Variants in ITFG1 observed in about 807,000 individuals in gnomAD.
ITFG1 encodes the protein T-cell immunomodulatory protein.
ITFG1 carries 34 observed loss-of-function variants against 81.8 expected under a neutral mutation model. The ratio of observed to expected loss-of-function variants is 0.42; its 90% CI spans 0.32 to 0.55. The LOEUF (loss-of-function observed/expected upper bound fraction) is 0.55, where lower values mean the gene tolerates loss of function less well. Among genes scored for constraint, ITFG1 ranks in the 20% least tolerant of loss-of-function variants. The pLI, the probability that ITFG1 is intolerant of heterozygous loss-of-function variation, is 0.17. For missense variants in ITFG1, 672 were observed against 755.4 expected (o/e 0.89, Z 1.29); for synonymous variants, 285 against 270.6 (o/e 1.05, Z -0.52).
At chr16:47,155,995 C>T (rs183496423) in intron 17 of ITFG1, among the ~76,000 whole-genome samples, 2 of 152,246 alleles carry the variant, frequency 1.3e-5, no homozygotes, top group Non-Finnish European at 2.9e-5. Flanking sequence ...TACTTGAATA[C>T]TTAAGGCACA....
chr16:47,160,808 T>A (rs975173640), intron 16 of ITFG1, among the ~76,000 whole-genome samples: 2 of 152,182 alleles, frequency 1.3e-5, no homozygotes, highest in African/African-American at 4.8e-5. Context: ...TAGATTCTCC[T>A]ACCATAACTG....
chr16:47,278,758 G>A (rs896591879), intron 10 of ITFG1, among the ~76,000 whole-genome samples: 1 of 152,144 alleles, frequency 6.6e-6, no homozygotes, highest in Non-Finnish European at 1.5e-5. Flanking sequence ...CATATGTGAA[G>A]GGAAAATAAC....
At chr16:47,416,563 A>T (rs1167328593) in intron 6 of ITFG1, among the ~76,000 whole-genome samples, 1 of 152,180 alleles carries the variant, frequency 6.6e-6, no homozygotes, top group Non-Finnish European at 1.5e-5. Flanking sequence ...GGAAGTATCT[A>T]TCTGGGTAAT....
At chr16:47,345,246 A>T (rs1967835819) in intron 8 of ITFG1, among the ~76,000 whole-genome samples, 2 of 151,946 alleles carry the variant, frequency 1.3e-5, no homozygotes, top group Admixed American at 1.3e-4. Flanking sequence ...ACTAACACTA[A>T]TGATAGCTGA....
At chr16:47,348,320 T>C (rs1333603472) in intron 8 of ITFG1, among the ~76,000 whole-genome samples, 1 of 152,158 alleles carries the variant, frequency 6.6e-6, no homozygotes, top group Non-Finnish European at 1.5e-5. Context: ...TGAAAAAAGA[T>C]TAGACAAATG....
intron 8 of ITFG1, among the ~76,000 whole-genome samples, chr16:47,355,002 G>A (rs1472986199): frequency 6.6e-6 from 1 of 151,946 alleles, no homozygotes; most frequent in Non-Finnish European, 1.5e-5. Context: ...AAAATATTAC[G>A]AATAGAACTA....
At chr16:47,393,361 C>T (rs1374822733) in intron 6 of ITFG1, among the ~76,000 whole-genome samples, 1 of 152,100 alleles carries the variant, frequency 6.6e-6, no homozygotes, top group African/African-American at 2.4e-5. Flanking sequence ...CATACACTAT[C>T]CAAGGGGCTA....
chr16:47,241,651 G>A (rs1002958389), intron 12 of ITFG1, among the ~76,000 whole-genome samples: 1 of 152,116 alleles, frequency 6.6e-6, no homozygotes, highest in African/African-American at 2.4e-5. Flanking sequence ...GGGGGATGAT[G>A]GGGGACTAAG....
At position 47,167,932 on chromosome 16, in the gene ITFG1, C is replaced by T. The variant is rs531583622; in HGVS notation, c.1454-5268G>A. Reference sequence around the variant, plus strand: ...AATACCTCTTTGAGACCCTGCTTTCCGTTCTTTTGAGTATATATTAGAAAT... The same window carrying T: ...AATACCTCTTTGAGACCCTGCTTTCTGTTCTTTTGAGTATATATTAGAAAT... On this transcript the variant is annotated intron_variant, in intron 14 of 17. Coordinates refer to ENST00000320640, the MANE Select transcript of ITFG1 (RefSeq NM_030790.5). Among the ~76,000 whole-genome samples the T allele has an allele frequency of 1.2e-4, 18 of 152,238 alleles. No individual in the cohort carries two copies. The East Asian group carries it at 2.7e-3, about 23-fold the overall frequency.
intron 6 of ITFG1, among the ~76,000 whole-genome samples, chr16:47,406,684 A>C (rs1968733418): frequency 6.6e-6 from 1 of 152,210 alleles, no homozygotes; most frequent in South Asian, 2.1e-4. Flanking sequence ...AGAAGCAATA[A>C]AAACATTAAG....
intron 14 of ITFG1, among the ~76,000 whole-genome samples, chr16:47,203,430 T>C (rs144264126): frequency 3.3e-5 from 5 of 152,284 alleles, no homozygotes; most frequent in Non-Finnish European, 5.9e-5. Flanking sequence ...TATTATTACA[T>C]TGTAACATGT....
At chr16:47,190,412 G>C (rs1220052959) in intron 14 of ITFG1, among the ~76,000 whole-genome samples, 2 of 152,138 alleles carry the variant, frequency 1.3e-5, no homozygotes, top group Non-Finnish European at 2.9e-5. Flanking sequence ...TACTCAACTT[G>C]GAGAGACCTA....
Position 47,325,346 on chromosome 16 carries a change from G to A in ITFG1, c.803-11523C>T, listed in dbSNP as rs1272682589. 3.9e-5 allele frequency among the ~76,000 whole-genome samples: 6 copies of A among 152,190 alleles called. No homozygotes were observed. The South Asian group carries it at 8.3e-4, about 21-fold the overall frequency. On this transcript the variant is annotated intron_variant, in intron 8 of 17. Transcript: ENST00000320640. ...AGCAGTGTGTAGAGGGAAATTTATA[G>A]CACTAAATGCCCACATGAGAAAGCA...
intron 10 of ITFG1, among the ~76,000 whole-genome samples, chr16:47,272,172 G>C (rs900621937): frequency 2.0e-5 from 3 of 152,114 alleles, no homozygotes; most frequent in Non-Finnish European, 2.9e-5. Flanking sequence ...AACACATATT[G>C]TATAACTGCA....
chr16:47,243,229 C>CAT (rs1386078968), intron 12 of ITFG1, among the ~76,000 whole-genome samples: 1 of 151,872 alleles, frequency 6.6e-6, no homozygotes, highest in Non-Finnish European at 1.5e-5. Context: ...CTAGATTATA[C>CAT]ATATATATAC....
At chr16:47,357,163 G>A (rs1473597042) in intron 8 of ITFG1, among the ~76,000 whole-genome samples, 1 of 152,006 alleles carries the variant, frequency 6.6e-6, no homozygotes, top group African/African-American at 2.4e-5. Flanking sequence ...CAATTAATTT[G>A]TGGGTTATAT....
At chr16:47,320,823 G>C (rs1404357745) in intron 8 of ITFG1, among the ~76,000 whole-genome samples, 1 of 152,128 alleles carries the variant, frequency 6.6e-6, no homozygotes, top group African/African-American at 2.4e-5. Context: ...ATTAACTCCT[G>C]GAAGGACAGA....
chr16:47,459,043 G>A lies in ITFG1; in HGVS notation c.281+60C>T. The A allele has an allele frequency of 3.0e-6, 3 of 1,011,872 alleles. No individual in the cohort carries two copies. In the South Asian group the frequency reaches 3.9e-5, roughly 13 times the overall value. 62.7% of individuals were successfully genotyped at this position (1,011,872 alleles called of 1,614,324 possible). A position where few individuals can be genotyped will look rare whatever the true frequency, so the allele number is the denominator to read the frequency against. On this transcript the variant is annotated intron_variant, in intron 2 of 17. Coordinates refer to ENST00000320640, the MANE Select transcript of ITFG1 (RefSeq NM_030790.5). Reference sequence around the variant, plus strand: ...CTTTAAAGACAACCAATCAGCTACTGCATATCCATTATTATATTAATGACT... The same window carrying A: ...CTTTAAAGACAACCAATCAGCTACTACATATCCATTATTATATTAATGACT...
At chr16:47,299,042 G>A (rs546891640) in intron 10 of ITFG1, among the ~76,000 whole-genome samples, 1 of 152,254 alleles carries the variant, frequency 6.6e-6, no homozygotes, top group East Asian at 1.9e-4. Context: ...GAGTCCTCAG[G>A]CCCCTGGTGA....
Sources: gnomAD v4.1 joint callset for allele counts (sites outside exome capture counted in the v4.1 genomes callset) on GRCh38, gnomAD v4.1.1 for gene constraint, MANE v1.5 for transcripts, NCBI Gene and HGNC (gene_info 2026-07-23, HGNC 2026-07-21) for gene names.